MALRD1: variants seen among roughly 807,000 people sequenced by gnomAD.
The protein encoded by MALRD1 is MAM and LDL receptor class A domain containing 1.
MALRD1 carries 247 observed loss-of-function variants against 242.1 expected under a neutral mutation model. That is an observed-to-expected ratio of 1.02 (90% CI 0.92 to 1.13). MALRD1 has a LOEUF of 1.13. Ranked by LOEUF, MALRD1 falls within the 50% of genes most tolerant of loss-of-function variation. The probability of loss-of-function intolerance (pLI) is 0.00; values close to 1 mark genes in which losing one functional copy is unlikely to be tolerated. For missense variants in MALRD1, 2,989 were observed against 2,533.1 expected, an observed-to-expected ratio of 1.18 and a Z score of -3.86; for synonymous variants, 995 against 866.6, an observed-to-expected ratio of 1.15 and a Z score of -2.60.
chr10:19,188,520 A>C (rs866896631), intron 14 of MALRD1, among the ~76,000 whole-genome samples: 14 of 148,932 alleles, frequency 9.4e-5, no homozygotes, highest in Middle Eastern at 3.4e-3. Flanking sequence ...GGGAATGAAT[A>C]TTTGAGGACT....
intron 32 of MALRD1, among the ~76,000 whole-genome samples, chr10:19,562,380 G>T (rs1399912911): frequency 2.0e-5 from 3 of 152,122 alleles, no homozygotes; most frequent in Non-Finnish European, 4.4e-5. Context: ...TAGAGAACTT[G>T]ATGAGACTTC....
chr10:19,315,621 AAT>A (rs1842663415), intron 21 of MALRD1, among the ~76,000 whole-genome samples: 2 of 116,834 alleles, frequency 1.7e-5, no homozygotes, highest in Admixed American at 9.4e-5. Context: ...TATTTATATA[AAT>A]TATAAATATT....
chr10:19,171,465 T>A (rs12769963), intron 13 of MALRD1, among the ~76,000 whole-genome samples: 3 of 137,326 alleles, frequency 2.2e-5, no homozygotes, highest in Admixed American at 1.5e-4. Flanking sequence ...TATACACACA[T>A]GTATATACAC....
rs1833216221 is a variant in MALRD1 at position 19,133,885 on chromosome 10, A to T, written c.1140A>T (p.Ile380=). 2.4e-6 allele frequency: 3 copies of T among 1,230,868 alleles called. No homozygotes were observed. The highest frequency in any genetic ancestry group is 3.2e-5 in the East Asian group (1 of 31,662). 76.2% of individuals were successfully genotyped at this position (1,230,868 alleles called of 1,614,324 possible). ...KEEEIFWTYN[I]STHSQWVKAD... Reference sequence around the variant, plus strand: ...AAGAAATATTTTGGACATACAACATATCAACTCACAGCCAATGGGTGAAAG... The same window carrying T: ...AAGAAATATTTTGGACATACAACATTTCAACTCACAGCCAATGGGTGAAAG... Residue 380 remains isoleucine, a synonymous_variant, in exon 9 of 40, where the codon ATA becomes ATT. Coordinates refer to ENST00000454679, the MANE Select transcript of MALRD1 (RefSeq NM_001142308.3).
chr10:19,508,802 G>A (rs1833265242), intron 31 of MALRD1, among the ~76,000 whole-genome samples: 1 of 152,056 alleles, frequency 6.6e-6, no homozygotes, highest in Non-Finnish European at 1.5e-5. Flanking sequence ...GTTTTAATTG[G>A]ACAACCCTGT....
intron 14 of MALRD1, 43 bp from the exon 15 acceptor site, chr10:19,203,685 C>T: frequency 6.8e-7 from 1 of 1,477,786 alleles, no homozygotes. Context: ...AGTGTGGGAG[C>T]AGTTTGGAGA....
chr10:19,284,442 C>G (rs1476755101), intron 21 of MALRD1, among the ~76,000 whole-genome samples: 1 of 138,578 alleles, frequency 7.2e-6, no homozygotes, highest in Non-Finnish European at 1.5e-5. Context: ...TGATGTTCCC[C>G]TTCCTGTGTC....
At position 19,324,109 on chromosome 10, in the gene MALRD1, C is replaced by T; in HGVS notation, c.3576+4C>T. The T allele has an allele frequency of 6.5e-7, 1 of 1,547,586 alleles. No individual in the cohort carries two copies. The highest frequency in any genetic ancestry group is 2.4e-5 in the East Asian group (1 of 40,872). ...GGCCACCGTTGGTTCTCTCCAGGTACTGCTTAGGCAATCACATTTTCTGAA... is the reference window on the plus strand; with the variant it reads ...GGCCACCGTTGGTTCTCTCCAGGTATTGCTTAGGCAATCACATTTTCTGAA... On this transcript the variant is annotated splice_donor_region_variant and intron_variant, in intron 22 of 39. Transcript: ENST00000454679.
Position 19,595,365 on chromosome 10 carries a change from A to G in MALRD1, c.5852A>G (p.Glu1951Gly). Residue 1951 changes from glutamate to glycine, a missense_variant, in exon 34 of 40, where the codon GAG (glutamate) becomes GGG (glycine). Transcript: ENST00000454679. ...ACCCCTCCACTCTGTAGTAACATGG[A>G]GTTCCCGTGCTCTACAGACGAGTGT... ...SPTPPLCSNM[E>G]FPCSTDECIP... The G allele has an allele frequency of 6.4e-7, 1 of 1,550,656 alleles. No homozygotes were observed. Among genetic ancestry groups the G allele is most frequent in the Non-Finnish European group, 8.7e-7 (1 of 1,146,972 alleles).
At chr10:19,532,629 A>G (rs1231808351) in intron 32 of MALRD1, among the ~76,000 whole-genome samples, 1 of 152,166 alleles carries the variant, frequency 6.6e-6, no homozygotes, top group Non-Finnish European at 1.5e-5. Context: ...TCAGAAGAGA[A>G]ACATGGGAAA....
intron 13 of MALRD1, 63 bp downstream of exon 13, chr10:19,165,873 G>A (rs1305089586): frequency 4.3e-6 from 5 of 1,167,992 alleles, no homozygotes; most frequent in Non-Finnish European, 5.4e-6. Context: ...AAACCTTTCA[G>A]ATAACAATAT....
At chr10:19,487,763 C>G (rs1465259900) in intron 29 of MALRD1, among the ~76,000 whole-genome samples, 1 of 152,096 alleles carries the variant, frequency 6.6e-6, no homozygotes, top group Admixed American at 6.5e-5. Context: ...TAAATATGAC[C>G]TTTAAGTCTT....
intron 32 of MALRD1, among the ~76,000 whole-genome samples, chr10:19,552,493 C>G (rs1835524575): frequency 1.3e-5 from 2 of 151,660 alleles, no homozygotes; most frequent in Admixed American, 6.6e-5. Context: ...TAGCAGTCTA[C>G]CTACTTTATT....
At chr10:19,392,380 T>C (rs1370333675) in intron 28 of MALRD1, among the ~76,000 whole-genome samples, 1 of 152,200 alleles carries the variant, frequency 6.6e-6, no homozygotes, top group East Asian at 1.9e-4. Flanking sequence ...ACACTGACTT[T>C]AATATTGAAA....
intron 36 of MALRD1, among the ~76,000 whole-genome samples, chr10:19,622,333 C>A (rs947824736): frequency 2.7e-5 from 4 of 150,778 alleles, no homozygotes; most frequent in African/African-American, 7.3e-5. Flanking sequence ...CATACATAGA[C>A]AAAACTATTA....
intron 38 of MALRD1, among the ~76,000 whole-genome samples, chr10:19,708,447 C>G (rs1415006751): frequency 1.8e-5 from 2 of 112,814 alleles, no homozygotes; most frequent in African/African-American, 5.6e-5. Flanking sequence ...AAGTAATTCT[C>G]CCATCTTAGC....
At chr10:19,492,996 T>TA (rs1458143974) in intron 30 of MALRD1, among the ~76,000 whole-genome samples, 1 of 152,176 alleles carries the variant, frequency 6.6e-6, no homozygotes, top group African/African-American at 2.4e-5. Flanking sequence ...AAAGCTGTGG[T>TA]AAAAAACACA....
At chr10:19,211,835 A>G (rs1227971333) in intron 18 of MALRD1, among the ~76,000 whole-genome samples, 1 of 152,214 alleles carries the variant, frequency 6.6e-6, no homozygotes, top group Middle Eastern at 3.4e-3. Context: ...CCAGCATTTT[A>G]ATTAACTGTG....
chr10:19,177,459 T>A (rs1036496242), intron 14 of MALRD1, among the ~76,000 whole-genome samples: 1 of 152,074 alleles, frequency 6.6e-6, no homozygotes, highest in Admixed American at 6.6e-5. Flanking sequence ...TTTGGAGGTA[T>A]AGGGGCAGAA....
Sources: gnomAD v4.1 joint callset for allele counts (sites outside exome capture counted in the v4.1 genomes callset) on GRCh38, gnomAD v4.1.1 for gene constraint, MANE v1.5 for transcripts, NCBI Gene and HGNC (gene_info 2026-07-23, HGNC 2026-07-21) for gene names.